CREB5: variants seen among roughly 807,000 people sequenced by gnomAD.
CREB5 encodes the protein cyclic AMP-responsive element-binding protein 5.
In CREB5, 19 loss-of-function variants were observed where a neutral mutation model predicts 57.1. The ratio of observed to expected loss-of-function variants is 0.33; its 90% CI spans 0.23 to 0.49. The LOEUF is 0.49. CREB5 is among the 20% of genes least tolerant of loss of function. CREB5 has a pLI of 0.99. For synonymous variants in CREB5, 238 were observed against 238.3 expected (o/e 1.00, Z 0.01); for missense variants, 579 against 671.6 (o/e 0.86, Z 1.52).
chr7:28,707,116 G>A (rs1802149222), intron 5 of CREB5, among the ~76,000 whole-genome samples: 1 of 152,154 alleles, frequency 6.6e-6, no homozygotes, highest in African/African-American at 2.4e-5. Flanking sequence ...GGGACTCACA[G>A]TAATGGAGGA....
chr7:28,580,558 G>GGTGT (rs371277784), intron 5 of CREB5, among the ~76,000 whole-genome samples: 17,115 of 124,438 alleles, frequency 0.14, 1,274 homozygotes, highest in East Asian at 0.3. Context: ...TTGGCAAATT[G>GGTGT]GTGTGTGTGT....
At chr7:28,717,197 T>G (rs1227903797) in intron 5 of CREB5, among the ~76,000 whole-genome samples, 1 of 151,090 alleles carries the variant, frequency 6.6e-6, no homozygotes, top group African/African-American at 2.4e-5. Context: ...TAGCTGAGAT[T>G]ACAGACGTGC....
intron 5 of CREB5, among the ~76,000 whole-genome samples, chr7:28,692,445 G>A (rs1801327077): frequency 6.6e-6 from 1 of 152,126 alleles, no homozygotes; most frequent in African/African-American, 2.4e-5. Context: ...AAAAATACAG[G>A]CATCTACTAA....
intron 1 of CREB5, among the ~76,000 whole-genome samples, chr7:28,401,223 G>A (rs1283810143): frequency 6.6e-6 from 1 of 151,998 alleles, no homozygotes; most frequent in Admixed American, 6.5e-5. Context: ...CTTTGAGATA[G>A]GTGAAGCTTT....
rs1797371654 is a variant in CREB5, at chr7:28,611,216, G to A, written c.464+40679G>A. On this transcript the variant is annotated intron_variant, in intron 5 of 10. Transcript: ENST00000357727. Reference sequence around the variant, plus strand: ...TCCCCTGATATGTCCTCAATCTTCTGGTAGTATTGAAGGTCCCAGAGCTCA... The same window carrying A: ...TCCCCTGATATGTCCTCAATCTTCTAGTAGTATTGAAGGTCCCAGAGCTCA... 3.3e-5 allele frequency among the ~76,000 whole-genome samples: 5 copies of A among 151,960 alleles called. No homozygotes were observed. The South Asian group carries it at 1.0e-3, about 32-fold the overall frequency.
chr7:28,475,684 G>C (rs1424110237), intron 1 of CREB5, among the ~76,000 whole-genome samples: 1 of 152,036 alleles, frequency 6.6e-6, no homozygotes, highest in Non-Finnish European at 1.5e-5. Context: ...TGATAAGAAG[G>C]CTGAGTTTCT....
chr7:28,784,432 A>G (rs1807186971), intron 7 of CREB5, among the ~76,000 whole-genome samples: 1 of 152,034 alleles, frequency 6.6e-6, no homozygotes, highest in Admixed American at 6.6e-5. Flanking sequence ...AAGTGGAAAA[A>G]TTAGCCACTC....
intron 5 of CREB5, among the ~76,000 whole-genome samples, chr7:28,699,552 C>G (rs1031128865): frequency 5.9e-5 from 9 of 152,214 alleles, no homozygotes; most frequent in African/African-American, 2.2e-4. Context: ...TTCAGTACTT[C>G]CAGGGAAGAT....
chr7:28,539,074 A>G (rs1420107753), intron 4 of CREB5, among the ~76,000 whole-genome samples: 1 of 152,230 alleles, frequency 6.6e-6, no homozygotes, highest in Non-Finnish European at 1.5e-5. Context: ...TCTACTGGAA[A>G]GTTATTGCAT....
intron 7 of CREB5, among the ~76,000 whole-genome samples, chr7:28,753,239 G>A (rs1196363496): frequency 6.6e-6 from 1 of 151,964 alleles, no homozygotes; most frequent in African/African-American, 2.4e-5. Context: ...GGAAATGGTG[G>A]GATTTTGTCC....
At chr7:28,534,048 C>G (rs1793852749) in intron 4 of CREB5, among the ~76,000 whole-genome samples, 1 of 152,192 alleles carries the variant, frequency 6.6e-6, no homozygotes, top group Non-Finnish European at 1.5e-5. Flanking sequence ...TTTGTGAACA[C>G]TATGATCCTG....
chr7:28,439,872 A>G (rs1232700824), intron 1 of CREB5, among the ~76,000 whole-genome samples: 2 of 152,170 alleles, frequency 1.3e-5, no homozygotes, highest in African/African-American at 2.4e-5. Context: ...TTTGCGTACC[A>G]TTCAGCCTTG....
At chr7:28,719,665 G>T (rs1306214119) in intron 6 of CREB5, among the ~76,000 whole-genome samples, 1 of 152,166 alleles carries the variant, frequency 6.6e-6, no homozygotes, top group Non-Finnish European at 1.5e-5. Flanking sequence ...GAGTAACTTG[G>T]CTAGGGTTAC....
chr7:28,393,586 A>G (rs527832541), intron 1 of CREB5, among the ~76,000 whole-genome samples: 13 of 152,242 alleles, frequency 8.5e-5, no homozygotes, highest in Non-Finnish European at 1.8e-4. Context: ...CAACACTGCC[A>G]TCTTCTTAAC....
chr7:28,449,351 C>T (rs1328990428), intron 1 of CREB5, among the ~76,000 whole-genome samples: 1 of 152,172 alleles, frequency 6.6e-6, no homozygotes, highest in Non-Finnish European at 1.5e-5. Flanking sequence ...TGTCCTGTGC[C>T]TCCTCTACCT....
Position 28,406,504 on chromosome 7 carries a change from G to A in CREB5, c.-24-88402G>A, listed in dbSNP as rs950343143. On this transcript the variant is annotated intron_variant, in intron 1 of 9. Transcript: ENST00000396299. Reference sequence around the variant, plus strand: ...GGGATGAGCATCGGGAGAATCTTGGGTGGGTGGTACCCCAGCCAGTTTACC... The same window carrying A: ...GGGATGAGCATCGGGAGAATCTTGGATGGGTGGTACCCCAGCCAGTTTACC... Among the ~76,000 whole-genome samples, 5 of 152,358 alleles carry A rather than the reference G, an allele frequency of 3.3e-5. 1 individual carries two copies. The South Asian group carries it at 1.0e-3, about 32-fold the overall frequency.
intron 1 of CREB5, among the ~76,000 whole-genome samples, chr7:28,485,529 C>A (rs1485247830): frequency 6.6e-6 from 1 of 152,030 alleles, no homozygotes; most frequent in Non-Finnish European, 1.5e-5. Context: ...AAACAACACA[C>A]AAATATACAG....
At chr7:28,611,028 C>A (rs1797363809) in intron 5 of CREB5, among the ~76,000 whole-genome samples, 1 of 151,694 alleles carries the variant, frequency 6.6e-6, no homozygotes, top group Non-Finnish European at 1.5e-5. Flanking sequence ...TGAGGTGAGA[C>A]ATTTAAGAGA....
chr7:28,541,537 G>C (rs915154906), intron 4 of CREB5, among the ~76,000 whole-genome samples: 9 of 151,964 alleles, frequency 5.9e-5, no homozygotes, highest in African/African-American at 2.2e-4. Context: ...CGTGGTGGCC[G>C]ATACCTGTAA....
Sources: allele counts gnomAD v4.1 joint callset (sites outside exome capture counted in the v4.1 genomes callset), GRCh38; gene constraint gnomAD v4.1.1; transcripts MANE v1.5; gene names NCBI Gene and HGNC (gene_info 2026-07-23, HGNC 2026-07-21).